The following NTM variants were observed in gnomAD, a reference collection of about 807,000 sequenced individuals.
NTM encodes IgLON family member 2.
NTM carries 13 observed loss-of-function variants against 42.1 expected under a neutral mutation model. The observed-to-expected ratio is 0.31, with a 90% CI of 0.20 to 0.49. The LOEUF (loss-of-function observed/expected upper bound fraction) is 0.49, where lower values mean the gene tolerates loss of function less well. Among genes scored for constraint, NTM ranks in the 20% least tolerant of loss-of-function variants. The pLI, the probability that NTM is intolerant of heterozygous loss-of-function variation, is 0.99. For synonymous variants in NTM, 187 were observed against 179.2 expected, an observed-to-expected ratio of 1.04 and a Z score of -0.35; for missense variants, 373 against 452.8, an observed-to-expected ratio of 0.82 and a Z score of 1.60.
Position 131,941,920 on chromosome 11 carries a change from CACTT to C in NTM, c.167+30275_167+30278del, listed in dbSNP as rs535785570. On this transcript the variant is annotated intron_variant, in intron 2 of 8. Coordinates refer to ENST00000683400, the MANE Select transcript of NTM (RefSeq NM_001352005.2). ...GCATAATCATCCATATTAAAGAACA[CACTT>C]ACAGTTATGGAACATCATCTCATAT... Among the ~76,000 whole-genome samples the C allele has an allele frequency of 1.5e-3, 226 of 152,282 alleles. 2 individuals are homozygous for C. Among genetic ancestry groups the C allele is most frequent in the Middle Eastern group, 0.01 (3 of 294 alleles).
chr11:132,053,084 A>G (rs1268846065), intron 2 of NTM, among the ~76,000 whole-genome samples: 1 of 152,206 alleles, frequency 6.6e-6, no homozygotes, highest in Non-Finnish European at 1.5e-5. Context: ...GCTGTGGTAT[A>G]CCGATCACAA....
At chr11:131,449,440 G>C (rs1006454196) in intron 1 of NTM, among the ~76,000 whole-genome samples, 1 of 152,210 alleles carries the variant, frequency 6.6e-6, no homozygotes, top group African/African-American at 2.4e-5. Context: ...GGTCCAGTTT[G>C]AGGAAGGGAC....
intron 1 of NTM, among the ~76,000 whole-genome samples, chr11:131,585,093 C>T (rs779392573): frequency 6.6e-5 from 10 of 152,122 alleles, no homozygotes; most frequent in African/African-American, 2.2e-4. Flanking sequence ...GGCTATTGGA[C>T]GGATGGGAGG....
chr11:131,445,766 T>C (rs1950010444), intron 1 of NTM, among the ~76,000 whole-genome samples: 1 of 152,216 alleles, frequency 6.6e-6, no homozygotes, highest in South Asian at 2.1e-4. Context: ...TGGGGTGCAC[T>C]CTATTGTGAG....
At chr11:131,841,860 GT>G (rs2044297295) in intron 1 of NTM, among the ~76,000 whole-genome samples, 1 of 152,168 alleles carries the variant, frequency 6.6e-6, no homozygotes, top group African/African-American at 2.4e-5. Flanking sequence ...GAAAGAGCGT[GT>G]CCCACTCAGA....
chr11:132,070,407 A>G lies in NTM; in HGVS notation c.168-75875A>G, dbSNP rs577661280. Among the ~76,000 whole-genome samples the G allele has an allele frequency of 5.9e-4, 83 of 140,322 alleles. 2 individuals are homozygous for G. Among genetic ancestry groups the G allele is most frequent in the African/African-American group, 2.0e-3 (77 of 38,110 alleles). The allele number at this position is 140,322 out of a possible 152,430, so 92.1% of individuals were successfully genotyped here. A position where few individuals can be genotyped will look rare whatever the true frequency, so the allele number is the denominator to read the frequency against. On this transcript the variant is annotated intron_variant, in intron 2 of 8. Coordinates refer to ENST00000683400, the MANE Select transcript of NTM (RefSeq NM_001352005.2). Reference sequence around the variant, plus strand: ...ACGTCACACAGCCAAGTAAGTTAACACGTCAAACTGACCGTCACAGGTTAG... The same window carrying G: ...ACGTCACACAGCCAAGTAAGTTAACGCGTCAAACTGACCGTCACAGGTTAG...
chr11:131,626,761 T>C (rs1410364466), intron 1 of NTM, among the ~76,000 whole-genome samples: 1 of 152,220 alleles, frequency 6.6e-6, no homozygotes, highest in East Asian at 1.9e-4. Context: ...GCTAGACTTC[T>C]TCCATGGCCC....
intron 1 of NTM, among the ~76,000 whole-genome samples, chr11:131,553,717 C>T (rs1015421555): frequency 1.3e-5 from 2 of 152,120 alleles, no homozygotes; most frequent in South Asian, 2.1e-4. Context: ...TCTACTCTCC[C>T]GTCTATATAA....
chr11:132,240,032 A>G (rs1213426875), intron 4 of NTM, among the ~76,000 whole-genome samples: 1 of 150,214 alleles, frequency 6.7e-6, no homozygotes, highest in African/African-American at 2.4e-5. Context: ...CCATCCATTC[A>G]TCCATCATCC....
chr11:132,080,005 G>A (rs1254949418), intron 2 of NTM, among the ~76,000 whole-genome samples: 3 of 152,126 alleles, frequency 2.0e-5, no homozygotes, highest in Admixed American at 6.5e-5. Flanking sequence ...AAACAAATAT[G>A]GATTTGGTGG....
At chr11:131,643,470 C>G (rs2065390500) in intron 1 of NTM, among the ~76,000 whole-genome samples, 1 of 152,192 alleles carries the variant, frequency 6.6e-6, no homozygotes, top group Non-Finnish European at 1.5e-5. Context: ...GACATTAAGG[C>G]CCCTTCCTCA....
chr11:131,609,138 G>C (rs1023000046), intron 1 of NTM, among the ~76,000 whole-genome samples: 2 of 152,218 alleles, frequency 1.3e-5, no homozygotes, highest in South Asian at 4.1e-4. Context: ...GCTGAGCTGG[G>C]CGAAGGCGTG....
chr11:131,385,580 C>T (rs1196858345), intron 1 of NTM, among the ~76,000 whole-genome samples: 1 of 152,140 alleles, frequency 6.6e-6, no homozygotes, highest in East Asian at 1.9e-4. Context: ...AGGCTGGGCT[C>T]AGTGGTTCCT....
intron 1 of NTM, among the ~76,000 whole-genome samples, chr11:131,477,717 T>C (rs1230125785): frequency 6.6e-6 from 1 of 152,042 alleles, no homozygotes; most frequent in Non-Finnish European, 1.5e-5. Flanking sequence ...ATATATTTTC[T>C]AGATATCTAT....
intron 2 of NTM, among the ~76,000 whole-genome samples, chr11:131,944,055 A>T (rs1342541625): frequency 6.7e-6 from 1 of 150,208 alleles, no homozygotes; most frequent in African/African-American, 2.4e-5. Context: ...TTTCTGAAAC[A>T]TTTTTTTTTT....
intron 1 of NTM, among the ~76,000 whole-genome samples, chr11:131,528,718 CA>C (rs1315429235): frequency 6.6e-6 from 1 of 152,132 alleles, no homozygotes; most frequent in Non-Finnish European, 1.5e-5. Context: ...AGTAAGTATT[CA>C]GTAAGTATTT....
At chr11:132,320,258 G>T (rs2095530377) in intron 7 of NTM, among the ~76,000 whole-genome samples, 2 of 152,352 alleles carry the variant, frequency 1.3e-5, no homozygotes, top group African/African-American at 4.8e-5. Flanking sequence ...ATTTCCATCT[G>T]AGGTACTGGG....
chr11:131,652,954 T>C (rs1419030838), intron 1 of NTM, among the ~76,000 whole-genome samples: 1 of 152,204 alleles, frequency 6.6e-6, no homozygotes, highest in Non-Finnish European at 1.5e-5. Context: ...TGCCAGATTG[T>C]TGACGGAAGC....
In NTM at chr11:132,213,852, A is replaced by C; in HGVS notation, c.526+1705A>C. Among the ~76,000 whole-genome samples the C allele has an allele frequency of 1.8e-5, 2 of 108,654 alleles. 1 individual carries two copies. The highest frequency in any genetic ancestry group is 4.1e-5 in the Non-Finnish European group (2 of 49,350). 71.3% of individuals were successfully genotyped at this position (108,654 alleles called of 152,430 possible). A position where few individuals can be genotyped will look rare whatever the true frequency, so the allele number is the denominator to read the frequency against. ...CGGGTTCACGCCATTCTCCCGCCTC[A>C]GCCTCCCAAGTAGCTGGGACTACAG... On this transcript the variant is annotated intron_variant, in intron 4 of 8. Coordinates refer to ENST00000683400, the MANE Select transcript of NTM (RefSeq NM_001352005.2).
Sources: allele counts gnomAD v4.1 joint callset (sites outside exome capture counted in the v4.1 genomes callset), GRCh38; gene constraint gnomAD v4.1.1; transcripts MANE v1.5; gene names NCBI Gene and HGNC (gene_info 2026-07-23, HGNC 2026-07-21).